Variants in ST6GALNAC1 observed in about 807,000 individuals in gnomAD.
ST6GALNAC1 encodes ST6 N-acetylgalactosaminide alpha-2,6-sialyltransferase 1, also known as alpha-N-acetylgalactosaminide alpha-2,6-sialyltransferase 1.
In ST6GALNAC1, 45 loss-of-function variants were observed where a neutral mutation model predicts 56.8. That is an observed-to-expected ratio of 0.79 (90% confidence interval 0.62 to 1.02). The LOEUF (loss-of-function observed/expected upper bound fraction) is 1.02. Ranked by LOEUF, ST6GALNAC1 falls within the 50% of genes least tolerant of loss-of-function variation. The probability of loss-of-function intolerance (pLI) is 0.00; values close to 1 mark genes in which losing one functional copy is unlikely to be tolerated. For missense variants in ST6GALNAC1, 743 were observed against 754.8 expected (o/e 0.98, Z 0.18); for synonymous variants, 295 against 297.8 (o/e 0.99, Z 0.10).
intron 1 of ST6GALNAC1, among the ~76,000 whole-genome samples, chr17:76,631,102 C>T (rs987631879): frequency 4.4e-5 from 6 of 137,324 alleles, no homozygotes; most frequent in African/African-American, 7.8e-5. Flanking sequence ...TGTGTGCACG[C>T]GTGCGCGAGC....
downstream of ST6GALNAC1, among the ~76,000 whole-genome samples, chr17:76,621,339 C>T (rs567566712): frequency 2.2e-4 from 33 of 151,568 alleles, no homozygotes; most frequent in South Asian, 6.2e-4. Flanking sequence ...CACGCCACCA[C>T]GCCCAGCTAA....
rs557502772 is a variant in ST6GALNAC1 at position 76,636,764 on chromosome 17, G to C, written c.131+6744C>G. 3.3e-5 allele frequency among the ~76,000 whole-genome samples: 5 copies of C among 152,286 alleles called. No individual in the cohort carries two copies. The East Asian group carries it at 7.7e-4, about 24-fold the overall frequency. On this transcript the variant is annotated intron_variant, in intron 1 of 8. Transcript: ENST00000156626. ...TCTGCCCGGCCGCCACCCCATCTGG[G>C]AGGTGTACCCAACAGCTCATTGAGA...
At chr17:76,625,715 C>G in intron 8 of ST6GALNAC1, 104 bp downstream of exon 8, 1 of 1,190,418 alleles carries the variant, frequency 8.4e-7, no homozygotes, top group Non-Finnish European at 1.2e-6. Flanking sequence ...TCTTTCCCAG[C>G]AGATGTGGGC....
chr17:76,618,034 C>G, the ST6GALNAC1 span, among the ~76,000 whole-genome samples: 1 of 152,212 alleles, frequency 6.6e-6, no homozygotes, highest in Non-Finnish European at 1.5e-5. Context: ...GTTCCATTCT[C>G]ACTGATGTGA....
rs745892031 is a variant in ST6GALNAC1, at chr17:76,629,570, C to T, written c.273G>A (p.Gln91=). Residue 91 remains glutamine, a synonymous_variant, in exon 2 of 9, where the codon CAG becomes CAA. Coordinates refer to ENST00000156626, the MANE Select transcript of ST6GALNAC1 (RefSeq NM_018414.5). The part of the protein sequence containing the change: ...PENNALNTQT[Q]PKAHTTGDRG... ...TGTCTCCGGTGGTGTGGGCCTTGGG[C>T]TGGGTTTGTGTGTTGAGGGCATTGT... 1 of 1,613,850 alleles carries T rather than the reference C, an allele frequency of 6.2e-7. No individual in the cohort carries two copies. Among genetic ancestry groups the T allele is most frequent in the Admixed American group, 1.7e-5 (1 of 59,994 alleles).
intron 1 of ST6GALNAC1, among the ~76,000 whole-genome samples, chr17:76,634,605 G>A (rs1267699819): frequency 8.5e-6 from 1 of 117,246 alleles, no homozygotes; most frequent in Non-Finnish European, 1.6e-5. Flanking sequence ...CAGGCGTGGT[G>A]CCTCACGCCT....
At position 76,643,751 on chromosome 17, in the gene ST6GALNAC1, TA is replaced by T; in HGVS notation, c.-114del. 9.3e-7 allele frequency: 1 copy of T among 1,079,464 alleles called. No homozygotes were observed. Among genetic ancestry groups the T allele is most frequent in the Non-Finnish European group, 1.3e-6 (1 of 747,850 alleles). The allele number at this position is 1,079,464 out of a possible 1,614,324, so 66.9% of individuals were successfully genotyped here. A position where few individuals can be genotyped will look rare whatever the true frequency, so the allele number is the denominator to read the frequency against. ...GCCAGGAAGTGCACACCCTTTGTCTTAACAATGAGCCACTCCGGCAAGTGCT... is the reference window on the plus strand; with the variant it reads ...GCCAGGAAGTGCACACCCTTTGTCTTACAATGAGCCACTCCGGCAAGTGCT... On this transcript the variant is annotated 5_prime_UTR_variant, in exon 1 of 9. Transcript: ENST00000156626.
Position 76,643,643 on chromosome 17 carries a change from G to T in ST6GALNAC1, c.-5C>A, listed in dbSNP as rs1178623759. 2 of 1,613,734 alleles carry T rather than the reference G, an allele frequency of 1.2e-6. No homozygotes were observed. Among genetic ancestry groups the T allele is most frequent in the African/African-American group, 2.7e-5 (2 of 75,046 alleles). ...TCTCCACAGGCAGGACCTCATGGTG[G>T]TGGGTCGGGTTCTAGAGGAAGGTTC... On this transcript the variant is annotated 5_prime_UTR_variant, in exon 1 of 9. Coordinates refer to ENST00000156626, the MANE Select transcript of ST6GALNAC1 (RefSeq NM_018414.5).
chr17:76,633,716 G>A (rs1032455103), intron 1 of ST6GALNAC1: 19 of 152,188 alleles, frequency 1.2e-4, no homozygotes, highest in Middle Eastern at 3.4e-3. Flanking sequence ...GCTCAAACGA[G>A]TCTCCTGCCT....
chr17:76,637,404 T>C (rs138184645), intron 1 of ST6GALNAC1: 6,857 of 265,388 alleles, frequency 0.026, 149 homozygotes, highest in South Asian at 0.059. Flanking sequence ...CCTCATGTTG[T>C]CCTTTTATAG....
chr17:76,624,004 T>C (rs1312429205), downstream of ST6GALNAC1, among the ~76,000 whole-genome samples: 1 of 152,234 alleles, frequency 6.6e-6, no homozygotes, highest in Non-Finnish European at 1.5e-5. Context: ...TTGCTTTTTA[T>C]TGCTGAAGTA....
In ST6GALNAC1 at chr17:76,627,183, C is replaced by T. The variant is rs1461420580; in HGVS notation, c.1056G>A (p.Leu352=). Residue 352 remains leucine, a synonymous_variant, in exon 4 of 9, where the codon CTG becomes CTA. Transcript: ENST00000156626. The surrounding 1 kb of genome is among the most constrained non-coding windows in gnomAD (Gnocchi z 4.4). ...GGAGGCTCCCAGCGGGGAGGCTGGC[C>T]AGGAGCAGCTGCTGCTGGGGCACTG... ...FPPVPQQQLL[L]ASLPAGSLRC... 6.2e-7 allele frequency: 1 copy of T among 1,601,852 alleles called. No individual in the cohort carries two copies. Among genetic ancestry groups the T allele is most frequent in the African/African-American group, 1.3e-5 (1 of 74,654 alleles).
At chr17:76,628,965 G>T in intron 2 of ST6GALNAC1, 47 bp downstream of exon 2, 2 of 1,496,944 alleles carry the variant, frequency 1.3e-6, no homozygotes, top group South Asian at 1.4e-5. Context: ...CTCAGGAGGG[G>T]CTTCAGAGCT....
At chr17:76,631,063 C>CTGTGTGTGTGTG (rs1331837039) in intron 1 of ST6GALNAC1, among the ~76,000 whole-genome samples, 3,158 of 74,292 alleles carry the variant, frequency 0.043, 43 homozygotes, top group Middle Eastern at 0.063. Context: ...CCCAGCTAAT[C>CTGTGTGTGTGTG]TCTGTGTGTG....
chr17:76,631,214 T>C (rs928038616), intron 1 of ST6GALNAC1, among the ~76,000 whole-genome samples: 21 of 152,120 alleles, frequency 1.4e-4, no homozygotes, highest in Non-Finnish European at 8.8e-5. Context: ...AGAATGTTGG[T>C]ATTAAAGGCG....
chr17:76,627,788 T>G lies in ST6GALNAC1; in HGVS notation c.832-205A>C, dbSNP rs2075826374. On this transcript the variant is annotated intron_variant, in intron 2 of 8. Coordinates refer to ENST00000156626, the MANE Select transcript of ST6GALNAC1 (RefSeq NM_018414.5). This position sits in a 1 kb window ranked among gnomAD's most constrained non-coding sequence, Gnocchi z 4.4. ...TCCTGAGGGTTCTGGGAAATGGGTG[T>G]TCTCGGCCATCGAGGCAAATGCACC... is the stretch of plus-strand genomic sequence containing the variant. Among the ~76,000 whole-genome samples, 1 of 152,164 alleles carries G rather than the reference T, an allele frequency of 6.6e-6. No individual in the cohort carries two copies. The highest frequency in any genetic ancestry group is 2.1e-4 in the South Asian group (1 of 4,830).
chr17:76,632,597 C>A (rs1032143039), intron 1 of ST6GALNAC1, among the ~76,000 whole-genome samples: 2 of 152,166 alleles, frequency 1.3e-5, no homozygotes, highest in Non-Finnish European at 2.9e-5. Context: ...TCATTTAATT[C>A]CCTATAATTA....
In ST6GALNAC1 at chr17:76,627,538, G is replaced by A. The variant is rs1362615218; in HGVS notation, c.877C>T (p.Leu293Phe). The A allele has an allele frequency of 1.2e-6, 2 of 1,614,192 alleles. No individual in the cohort carries two copies. The highest frequency in any genetic ancestry group is 2.2e-5 in the South Asian group (2 of 91,082). ...VKIKASKSLW[L>F]QKLFLPNLTL... ...AGGTTGGGCAGAAAGAGTTTCTGGA[G>A]CCACAGCGACTTGGAGGCTTTGATC... The change falls in exon 3 of 9, where the codon CTC becomes TTC. Residue 293 changes from leucine (L) to phenylalanine (F), a missense_variant. Physicochemically the swap from Leu to Phe is conservative, Grantham distance 22 (BLOSUM62 0). Coordinates refer to ENST00000156626, the MANE Select transcript of ST6GALNAC1 (RefSeq NM_018414.5). The surrounding 1 kb of genome is among the most constrained non-coding windows in gnomAD (Gnocchi z 4.4).
chr17:76,627,651 C>T lies in ST6GALNAC1; in HGVS notation c.832-68G>A, dbSNP rs563990740. 8.1e-6 allele frequency: 12 copies of T among 1,480,104 alleles called. No individual in the cohort carries two copies. In the African/African-American group the frequency reaches 1.7e-4, roughly 21 times the overall value. The allele number at this position is 1,480,104 out of a possible 1,614,324, so 91.7% of individuals were successfully genotyped here. A position where few individuals can be genotyped will look rare whatever the true frequency, so the allele number is the denominator to read the frequency against. ...AGGCCATCGGCCAGGGGCTGCACCA[C>T]TGCAGCAAGGGCTGGGGCTCGCAGT... On this transcript the variant is annotated intron_variant, in intron 2 of 8. Transcript: ENST00000156626. The surrounding 1 kb of genome is among the most constrained non-coding windows in gnomAD (Gnocchi z 4.4).
Sources: gnomAD v4.1 joint callset for allele counts (sites outside exome capture counted in the v4.1 genomes callset) on GRCh38, gnomAD v4.1.1 for gene constraint, Gnocchi (gnomAD v3.1) non-coding constraint, MANE v1.5 for transcripts, NCBI Gene and HGNC (gene_info 2026-07-23, HGNC 2026-07-21) for gene names.